SERINC5: variants seen among roughly 807,000 people sequenced by gnomAD.
The protein encoded by SERINC5 is serine incorporator 5.
Under a neutral mutation model 63.1 loss-of-function variants are expected in SERINC5, and 41 were observed. The observed-to-expected ratio is 0.65, with a 90% CI of 0.51 to 0.84. The LOEUF is 0.84. SERINC5 is among the 40% of genes least tolerant of loss of function. SERINC5 has a pLI of 0.00. For synonymous variants in SERINC5, 222 were observed against 215.2 expected, an observed-to-expected ratio of 1.03 and a Z score of -0.28; for missense variants, 523 against 573.0, an observed-to-expected ratio of 0.91 and a Z score of 0.89.
chr5:80,223,419 TA>T (rs1488344277), intron 1 of SERINC5, among the ~76,000 whole-genome samples: 1 of 152,240 alleles, frequency 6.6e-6, no homozygotes, highest in Non-Finnish European at 1.5e-5. Context: ...TAATTTGTAT[TA>T]TTTTTATTGT....
chr5:80,138,544 C>T (rs1012012210), downstream of SERINC5, among the ~76,000 whole-genome samples: 1 of 151,550 alleles, frequency 6.6e-6, no homozygotes, highest in Non-Finnish European at 1.5e-5. Flanking sequence ...TGCAGTGAGC[C>T]GAGATCGCGC....
At chr5:80,238,628 C>A (rs1191525898) in intron 1 of SERINC5, among the ~76,000 whole-genome samples, 1 of 151,708 alleles carries the variant, frequency 6.6e-6, no homozygotes, top group Non-Finnish European at 1.5e-5. Flanking sequence ...TACTAAAATA[C>A]AAAAATTTGC....
At chr5:80,182,424 T>G (rs2112431879) in intron 2 of SERINC5, among the ~76,000 whole-genome samples, 1 of 151,908 alleles carries the variant, frequency 6.6e-6, no homozygotes, top group South Asian at 2.1e-4. Flanking sequence ...TATCAGACGT[T>G]TATTCACCAT....
At chr5:80,112,609 T>C (rs1181352430) in intron 12 of SERINC5, among the ~76,000 whole-genome samples, 1 of 152,026 alleles carries the variant, frequency 6.6e-6, no homozygotes, top group East Asian at 1.9e-4. Context: ...TCGTCCCACC[T>C]GACGAGAAAT....
At chr5:80,121,992 C>T (rs190609263) in intron 11 of SERINC5, among the ~76,000 whole-genome samples, 88 of 152,172 alleles carry the variant, frequency 5.8e-4, no homozygotes, top group African/African-American at 2.0e-3. Flanking sequence ...TTGGAGGGGA[C>T]ACACATCCAA....
intron 1 of SERINC5, among the ~76,000 whole-genome samples, chr5:80,223,743 G>C (rs1173766151): frequency 6.6e-6 from 1 of 152,112 alleles, no homozygotes; most frequent in Non-Finnish European, 1.5e-5. Context: ...AGCTTGGCAG[G>C]GTGGGTAGCT....
chr5:80,173,929 C>G (rs763643497), intron 5 of SERINC5, among the ~76,000 whole-genome samples: 1 of 151,946 alleles, frequency 6.6e-6, no homozygotes, highest in Non-Finnish European at 1.5e-5. Context: ...TGTTTCAATT[C>G]TAATAGAGAA....
chr5:80,119,523 A>G (rs1364512470), intron 11 of SERINC5, among the ~76,000 whole-genome samples: 1 of 152,224 alleles, frequency 6.6e-6, no homozygotes, highest in Non-Finnish European at 1.5e-5. Flanking sequence ...AACTAACTGC[A>G]CTCACTGCAC....
intron 1 of SERINC5, among the ~76,000 whole-genome samples, chr5:80,239,019 GC>G (rs1751834857): frequency 6.6e-6 from 1 of 152,192 alleles, no homozygotes; most frequent in African/African-American, 2.4e-5. Flanking sequence ...GGTAGTACCT[GC>G]TGTGAGCTGA....
chr5:80,137,139 C>CAAAAAAAAAAACAAAAAAAAAAA (rs1745215785), downstream of SERINC5, among the ~76,000 whole-genome samples: 1 of 67,742 alleles, frequency 1.5e-5, no homozygotes, highest in African/African-American at 4.8e-5. Flanking sequence ...GACCCTGTCT[C>CAAAAAAAAAAACAAAAAAAAAAA]AAAAAAAAAA....
rs188022084 is a variant in SERINC5 at position 80,141,285 on chromosome 5, G to A, written c.*2378C>T. 2.3e-5 allele frequency: 23 copies of A among 985,314 alleles called. No homozygotes were observed. The highest frequency in any genetic ancestry group is 6.2e-5 in the Admixed American group (1 of 16,260). 61.0% of individuals were successfully genotyped at this position (985,314 alleles called of 1,614,324 possible). On this transcript the variant is annotated 3_prime_UTR_variant, in exon 12 of 12. Coordinates refer to ENST00000507668, the MANE Select transcript of SERINC5 (RefSeq NM_001174072.3). ...ACGGGATGTCACAAACCAGACTCAC[G>A]CATCTGGAAAACGTTGTGTGGCTGG...
Position 80,138,870 on chromosome 5 carries a change from G to A in SERINC5, c.*4793C>T, listed in dbSNP as rs1011596639. On this transcript the variant is annotated 3_prime_UTR_variant, in exon 12 of 12. Coordinates refer to ENST00000507668, the MANE Select transcript of SERINC5 (RefSeq NM_001174072.3). ...AGTACTTTAATTATATATGTATCTAGCAGAAGAGAAAAAAACAACACAGTT... is the reference window on the plus strand; with the variant it reads ...AGTACTTTAATTATATATGTATCTAACAGAAGAGAAAAAAACAACACAGTT... 2 of 974,120 alleles carry A rather than the reference G, an allele frequency of 2.1e-6. No individual in the cohort carries two copies. The highest frequency in any genetic ancestry group is 3.5e-5 in the African/African-American group (2 of 57,042). 60.3% of individuals were successfully genotyped at this position (974,120 alleles called of 1,614,324 possible).
At chr5:80,114,341 A>G (rs1055154193) in intron 11 of SERINC5, among the ~76,000 whole-genome samples, 1 of 151,656 alleles carries the variant, frequency 6.6e-6, no homozygotes, top group Non-Finnish European at 1.5e-5. Flanking sequence ...AGCATGTAGA[A>G]GAAACTGCCA....
chr5:80,134,590 G>A (rs1179075166), downstream of SERINC5, among the ~76,000 whole-genome samples: 1 of 152,202 alleles, frequency 6.6e-6, no homozygotes, highest in East Asian at 1.9e-4. Context: ...AATGAACAAG[G>A]ACAGCTTGGA....
At chr5:80,147,344 A>G (rs949663779) in intron 9 of SERINC5, 60 bp from the exon 10 acceptor site, 61 of 1,555,082 alleles carry the variant, frequency 3.9e-5, no homozygotes, top group Non-Finnish European at 4.9e-5. Flanking sequence ...CACCTCAGCA[A>G]GACAACAGTA....
In SERINC5 at chr5:80,177,918, G is replaced by A; in HGVS notation, c.342C>T (p.Asn114=). ...GAATATGAGCTCTACAACTTTTGCT[G>A]TTGTTGATTTTCAAGGTCAGTAGAC... The part of the protein sequence containing the change: ...IFCLLTLKIN[N]SKSCRAHIHN... Residue 114 remains asparagine, a synonymous_variant, in exon 3 of 12, where the codon AAC becomes AAT. Transcript: ENST00000507668. The A allele has an allele frequency of 6.2e-7, 1 of 1,611,218 alleles. No individual in the cohort carries two copies. The highest frequency in any genetic ancestry group is 8.5e-7 in the Non-Finnish European group (1 of 1,178,984).
Position 80,146,248 on chromosome 5 carries a change from A to C in SERINC5, c.1094-14T>G, listed in dbSNP as rs1023381072. 16 of 1,613,622 alleles carry C rather than the reference A, an allele frequency of 9.9e-6. No individual in the cohort carries two copies. Among genetic ancestry groups the C allele is most frequent in the Non-Finnish European group, 1.4e-5 (16 of 1,179,748 alleles). ...GCTCTTCAGTGTCTGTGAAGCACAG[A>C]GGGAGCCCAGGCTCAATGAGTGAAT... On this transcript the variant is annotated splice_polypyrimidine_tract_variant and intron_variant, in intron 10 of 11. Transcript: ENST00000507668.
chr5:80,237,027 C>A (rs954601587), intron 1 of SERINC5, among the ~76,000 whole-genome samples: 1 of 150,926 alleles, frequency 6.6e-6, no homozygotes, highest in Non-Finnish European at 1.5e-5. Context: ...GGTTTCACCA[C>A]GTTGGCCAGG....
intron 1 of SERINC5, among the ~76,000 whole-genome samples, chr5:80,239,514 T>A (rs1276477219): frequency 4.7e-5 from 7 of 149,386 alleles, no homozygotes; most frequent in East Asian, 2.0e-4. Context: ...ACCAACGACA[T>A]GACAAGATTT....
Sources: gnomAD v4.1 joint callset for allele counts (sites outside exome capture counted in the v4.1 genomes callset) on GRCh38, gnomAD v4.1.1 for gene constraint, MANE v1.5 for transcripts, NCBI Gene and HGNC (gene_info 2026-07-23, HGNC 2026-07-21) for gene names.